The following XPNPEP3 variants were observed in gnomAD, a reference collection of about 807,000 sequenced individuals.
XPNPEP3 encodes the protein xaa-Pro aminopeptidase 3.
XPNPEP3 carries 41 observed loss-of-function variants against 60.0 expected under a neutral mutation model. That is an observed-to-expected ratio of 0.68 (90% CI 0.53 to 0.89). XPNPEP3 has a LOEUF of 0.89. Ranked by LOEUF, XPNPEP3 falls within the 40% of genes least tolerant of loss-of-function variation. The pLI, the probability that XPNPEP3 is intolerant of heterozygous loss-of-function variation, is 0.00. For synonymous variants in XPNPEP3, 212 were observed against 223.2 expected, an observed-to-expected ratio of 0.95 and a Z score of 0.45; for missense variants, 598 against 638.9, an observed-to-expected ratio of 0.94 and a Z score of 0.69.
chr22:40,890,972 G>A (rs9623267), intron 4 of XPNPEP3, among the ~76,000 whole-genome samples: 2,053 of 152,124 alleles, frequency 0.013, 52 homozygotes, highest in African/African-American at 0.045. Flanking sequence ...TCTCATAGGA[G>A]TCTAAATCAG....
At chr22:40,894,268 C>T (rs1027008063) in intron 4 of XPNPEP3, among the ~76,000 whole-genome samples, 10 of 152,136 alleles carry the variant, frequency 6.6e-5, no homozygotes, top group African/African-American at 2.2e-4. Flanking sequence ...GAATATTATT[C>T]TCTTGCTTTA....
intron 4 of XPNPEP3, among the ~76,000 whole-genome samples, chr22:40,891,512 G>T (rs1029141431): frequency 6.8e-6 from 1 of 148,008 alleles, no homozygotes; most frequent in Non-Finnish European, 1.5e-5. Flanking sequence ...AATTAGCTGG[G>T]CGTGGTGGCG....
At chr22:40,872,453 CT>C (rs547007897) in intron 2 of XPNPEP3, among the ~76,000 whole-genome samples, 294 of 143,766 alleles carry the variant, frequency 2.0e-3, no homozygotes, top group Middle Eastern at 3.7e-3. Context: ...TGTGAGTCTA[CT>C]TTTTTTTTTT....
chr22:40,892,604 A>G (rs1012913840), intron 4 of XPNPEP3, among the ~76,000 whole-genome samples: 1 of 152,178 alleles, frequency 6.6e-6, no homozygotes, highest in African/African-American at 2.4e-5. Flanking sequence ...GGAACATGAC[A>G]TGTTGTCGCC....
chr22:40,902,067 CCTT>C (rs1428134652), intron 4 of XPNPEP3, among the ~76,000 whole-genome samples: 2 of 146,490 alleles, frequency 1.4e-5, no homozygotes, highest in Non-Finnish European at 3.0e-5. Context: ...CCTTACTTTT[CCTT>C]CTTTTTTTTT....
intron 7 of XPNPEP3, among the ~76,000 whole-genome samples, chr22:40,915,641 G>A (rs1003844561): frequency 6.6e-6 from 1 of 152,044 alleles, no homozygotes; most frequent in African/African-American, 2.4e-5. Context: ...TAGCTTGGGC[G>A]GCAGAAAGCC....
At position 40,922,415 on chromosome 22, in the gene XPNPEP3, A is replaced by G; in HGVS notation, c.1138A>G (p.Ser380Gly). ...DCLALCFPGT[S>G]LENIYSMMLT... The stretch of plus-strand genomic sequence containing the variant: ...TTTGGCCCTCTGCTTCCCTGGGACA[A>G]GCTTGGAGAACATCTACAGCATGAT... Residue 380 changes from serine (S) to glycine (G), a missense_variant, in exon 8 of 10, where the codon AGC becomes GGC. Physicochemically the swap from Ser to Gly is moderately conservative, Grantham distance 56. Transcript: ENST00000357137. The G allele has an allele frequency of 6.2e-7, 1 of 1,613,908 alleles. No individual in the cohort carries two copies. The highest frequency in any genetic ancestry group is 2.2e-5 in the East Asian group (1 of 44,884).
At chr22:40,860,832 G>T in intron 1 of XPNPEP3, 1 of 635,398 alleles carries the variant, frequency 1.6e-6, no homozygotes, top group Non-Finnish European at 2.6e-6. Context: ...TAAATTTTTT[G>T]TAGAGAAAAG....
At chr22:40,902,221 A>C (rs1394509209) in intron 4 of XPNPEP3, among the ~76,000 whole-genome samples, 1 of 136,288 alleles carries the variant, frequency 7.3e-6, no homozygotes, top group East Asian at 2.1e-4. Context: ...CTGGTATTAC[A>C]GGCGCCTGCC....
At chr22:40,921,084 G>A (rs1235274237) in intron 7 of XPNPEP3, among the ~76,000 whole-genome samples, 1 of 152,086 alleles carries the variant, frequency 6.6e-6, no homozygotes, top group African/African-American at 2.4e-5. Flanking sequence ...GAGCCACCGC[G>A]CCCAGCCCCT....
In XPNPEP3 at chr22:40,883,701, A is replaced by T. The variant is rs1275061057; in HGVS notation, c.589+1524A>T. ...GTCCCTCAAAGAAATTACTTTCTCT[A>T]CAGTTATTCTGGTGAAATTTTAATC... On this transcript the variant is annotated intron_variant, in intron 3 of 9. Coordinates refer to ENST00000357137, the MANE Select transcript of XPNPEP3 (RefSeq NM_022098.4). 2.6e-5 allele frequency among the ~76,000 whole-genome samples: 4 copies of T among 152,250 alleles called. 1 individual carries two copies. Among genetic ancestry groups the T allele is most frequent in the Middle Eastern group, 6.8e-3 (2 of 294 alleles).
intron 4 of XPNPEP3, among the ~76,000 whole-genome samples, chr22:40,903,028 G>A (rs1166658637): frequency 6.6e-6 from 1 of 152,102 alleles, no homozygotes; most frequent in African/African-American, 2.4e-5. Flanking sequence ...CTACATAATG[G>A]TAAAGCCCTC....
intron 4 of XPNPEP3, among the ~76,000 whole-genome samples, chr22:40,905,144 A>G (rs2058149672): frequency 6.6e-6 from 1 of 151,428 alleles, no homozygotes; most frequent in Admixed American, 6.6e-5. Context: ...CAGTGGCATA[A>G]TCTCGGCTCA....
At position 40,861,749 on chromosome 22, in the gene XPNPEP3, A is replaced by C. The variant is rs373992717; in HGVS notation, c.64+4504A>C. 1.1e-4 allele frequency: 181 copies of C among 1,613,434 alleles called. No homozygotes were observed. The highest frequency in any genetic ancestry group is 1.5e-4 in the Non-Finnish European group (174 of 1,179,894). ...GGAATGTGAAGCCGTACTCACATTC[A>C]TCATCAAAATGACTTCCACCTCCGT... On this transcript the variant is annotated intron_variant, in intron 1 of 9. Transcript: ENST00000357137.
At chr22:40,888,407 T>C in intron 4 of XPNPEP3, 1 of 442,258 alleles carries the variant, frequency 2.3e-6, no homozygotes, top group South Asian at 1.6e-5. Flanking sequence ...CTATGCCTGC[T>C]AATTTTTTAA....
intron 1 of XPNPEP3, chr22:40,861,980 A>G: frequency 1.9e-6 from 3 of 1,595,640 alleles, no homozygotes; most frequent in Non-Finnish European, 2.6e-6. Context: ...CTAGAACTTC[A>G]TAGTAATCCA....
At chr22:40,890,938 T>C (rs1019553474) in intron 4 of XPNPEP3, among the ~76,000 whole-genome samples, 6 of 152,140 alleles carry the variant, frequency 3.9e-5, no homozygotes, top group Non-Finnish European at 8.8e-5. Context: ...GCAATTTACC[T>C]CTTCTCATAT....
intron 2 of XPNPEP3, among the ~76,000 whole-genome samples, chr22:40,877,735 C>A (rs2058032864): frequency 6.6e-6 from 1 of 152,104 alleles, no homozygotes; most frequent in Non-Finnish European, 1.5e-5. Context: ...TACCACGTTG[C>A]CTGAGGATCT....
intron 4 of XPNPEP3, among the ~76,000 whole-genome samples, chr22:40,889,974 T>G (rs1000368470): frequency 1.3e-5 from 2 of 152,214 alleles, no homozygotes; most frequent in African/African-American, 4.8e-5. Flanking sequence ...GATCCACAGT[T>G]TTCTGCACTT....
Sources: gnomAD v4.1 joint callset for allele counts (sites outside exome capture counted in the v4.1 genomes callset) on GRCh38, gnomAD v4.1.1 for gene constraint, MANE v1.5 for transcripts, NCBI Gene and HGNC (gene_info 2026-07-23, HGNC 2026-07-21) for gene names.